TRIP11: variants seen among roughly 807,000 people sequenced by gnomAD.
The protein encoded by TRIP11 is thyroid receptor-interacting protein 11.
A neutral mutation model predicts 223.1 loss-of-function variants in TRIP11; 148 were observed. The observed-to-expected ratio is 0.66, with a 90% CI of 0.58 to 0.76. The LOEUF is 0.76. Among genes scored for constraint, TRIP11 ranks in the 30% least tolerant of loss-of-function variants. The pLI, the probability that TRIP11 is intolerant of heterozygous loss-of-function variation, is 0.00. For synonymous variants in TRIP11, 762 were observed against 772.6 expected, an observed-to-expected ratio of 0.99 and a Z score of 0.23; for missense variants, 2,043 against 2,222.0, an observed-to-expected ratio of 0.92 and a Z score of 1.62.
chr14:91,966,716 G>A lies in TRIP11; in HGVS notation c.*2957C>T, dbSNP rs2056345033. The stretch of plus-strand genomic sequence containing the variant: ...CATTTTTTAAAAATCAAAAATGACA[G>A]GAATGAAAATTCAAACAATTTGATC... On this transcript the variant is annotated 3_prime_UTR_variant, in exon 21 of 21. Coordinates refer to ENST00000267622, the MANE Select transcript of TRIP11 (RefSeq NM_004239.4). 1 of 211,178 alleles carries A rather than the reference G, an allele frequency of 4.7e-6. No individual in the cohort carries two copies. The highest frequency in any genetic ancestry group is 5.9e-5 in the Admixed American group (1 of 17,024). 13.1% of individuals were successfully genotyped at this position (211,178 alleles called of 1,614,324 possible).
rs756795848 is a variant in TRIP11, at chr14:91,992,024, T to C, written c.5160+1785A>G. Among the ~76,000 whole-genome samples, 41 of 129,026 alleles carry C rather than the reference T, an allele frequency of 3.2e-4. No homozygotes were observed. The Middle Eastern group carries it at 0.025, about 80-fold the overall frequency. The allele number at this position is 129,026 out of a possible 152,430, so 84.6% of individuals were successfully genotyped here. On this transcript the variant is annotated intron_variant, in intron 15 of 20. Coordinates refer to ENST00000267622, the MANE Select transcript of TRIP11 (RefSeq NM_004239.4). Reference sequence around the variant, plus strand: ...CTTGAACCCAGGGCAAAGGTTGTAGTGAGCTGAGATCACGCCCTTGCACTC... The same window carrying C: ...CTTGAACCCAGGGCAAAGGTTGTAGCGAGCTGAGATCACGCCCTTGCACTC...
chr14:91,997,571 G>A (rs1002261562), intron 13 of TRIP11, among the ~76,000 whole-genome samples: 1 of 152,042 alleles, frequency 6.6e-6, no homozygotes, highest in Non-Finnish European at 1.5e-5. Context: ...GAAGAAAATG[G>A]AATTGAAGAA....
intron 1 of TRIP11, among the ~76,000 whole-genome samples, chr14:92,036,848 T>C (rs1033518240): frequency 2.0e-5 from 3 of 152,150 alleles, no homozygotes; most frequent in Middle Eastern, 6.8e-3. Flanking sequence ...AAACCTCCCA[T>C]TTCAGCCTCC....
rs1219586678 is a variant in TRIP11 at position 92,004,327 on chromosome 14, G to A, written c.3649C>T (p.Gln1217Ter). The change falls in exon 11 of 21, where the codon CAA becomes TAA. Residue 1217 changes from glutamine (Q) to a stop codon, truncating the protein, a stop_gained. Coordinates refer to ENST00000267622, the MANE Select transcript of TRIP11 (RefSeq NM_004239.4). LOFTEE classifies it high-confidence loss of function. ...LLQERDKLKQQVKKMEEWKQQ... is the reference protein window; with the variant it reads ...LLQERDKLKQ The stretch of plus-strand genomic sequence containing the variant: ...TTCCACTCTTCCATTTTCTTTACTT[G>A]CTGTTTTAACTTGTCACGTTCCTGT... The A allele has an allele frequency of 6.2e-7, 1 of 1,613,982 alleles. No homozygotes were observed. Among genetic ancestry groups the A allele is most frequent in the Non-Finnish European group, 8.5e-7 (1 of 1,179,996 alleles).
At position 92,004,235 on chromosome 14, in the gene TRIP11, G is replaced by T. The variant is rs1238100839; in HGVS notation, c.3741C>A (p.His1247Gln). 1 of 1,614,100 alleles carries T rather than the reference G, an allele frequency of 6.2e-7. No individual in the cohort carries two copies. Among genetic ancestry groups the T allele is most frequent in the Non-Finnish European group, 8.5e-7 (1 of 1,180,034 alleles). ...CAACCAAAACCTGTGCTTGAAGTTG[G>T]TGAAGCTCTTCCTGAAGCTGGGCTG... ...HESAQLQEEL[H>Q]QLQAQVLVDS... Residue 1247 changes from histidine to glutamine, a missense_variant, in exon 11 of 21, where the codon CAC becomes CAA. His to Gln is a conservative substitution (Grantham distance 24, BLOSUM62 0). Coordinates refer to ENST00000267622, the MANE Select transcript of TRIP11 (RefSeq NM_004239.4).
rs2056877431 is a variant in TRIP11, at chr14:92,004,848, G to A, written c.3128C>T (p.Thr1043Ile). The A allele has an allele frequency of 1.6e-5, 26 of 1,613,876 alleles. No homozygotes were observed. The highest frequency in any genetic ancestry group is 2.0e-5 in the Non-Finnish European group (24 of 1,179,972). ...TTTGGACAACTGATCAATCTGTTTAGTTAAAGATATATTCTTTTCATTTAG... is the reference window on the plus strand; with the variant it reads ...TTTGGACAACTGATCAATCTGTTTAATTAAAGATATATTCTTTTCATTTAG... ...KLLNEKNISL[T>I]KQIDQLSKDE... Residue 1043 changes from threonine (T) to isoleucine (I), a missense_variant, in exon 11 of 21, where the codon ACT (threonine) becomes ATT (isoleucine). Thr to Ile is a moderately conservative substitution (Grantham distance 89, BLOSUM62 -1). Transcript: ENST00000267622.
chr14:92,023,102 G>A (rs1018383017), intron 3 of TRIP11, among the ~76,000 whole-genome samples: 3 of 152,202 alleles, frequency 2.0e-5, no homozygotes, highest in African/African-American at 7.2e-5. Context: ...AGTGCAAGCT[G>A]TAATAACAGA....
chr14:92,033,356 T>G (rs1369344898), intron 1 of TRIP11, 103 bp from the exon 2 acceptor site: 1 of 888,460 alleles, frequency 1.1e-6, no homozygotes, highest in African/African-American at 1.7e-5. Context: ...CACAGAATAG[T>G]AGGCTGATAT....
chr14:92,034,718 T>C (rs1391810908), intron 1 of TRIP11, among the ~76,000 whole-genome samples: 1 of 152,234 alleles, frequency 6.6e-6, no homozygotes, highest in Admixed American at 6.5e-5. Context: ...GGTGTGATCA[T>C]GGCTCACTGT....
Position 92,007,623 on chromosome 14 carries a change from A to G in TRIP11, c.1527+17T>C. ...TTAGTAGAATGTGCTGCCTTACTGTATTTAATACAGTGTTACCTTTGTAGC... is the reference window on the plus strand; with the variant it reads ...TTAGTAGAATGTGCTGCCTTACTGTGTTTAATACAGTGTTACCTTTGTAGC... On this transcript the variant is annotated intron_variant, in intron 10 of 20. Coordinates refer to ENST00000267622, the MANE Select transcript of TRIP11 (RefSeq NM_004239.4). 1 of 1,611,868 alleles carries G rather than the reference A, an allele frequency of 6.2e-7. No homozygotes were observed. Among genetic ancestry groups the G allele is most frequent in the Non-Finnish European group, 8.5e-7 (1 of 1,178,832 alleles).
chr14:91,977,261 A>G, intron 16 of TRIP11: 1 of 452,440 alleles, frequency 2.2e-6, no homozygotes, highest in South Asian at 1.6e-5. Flanking sequence ...TTTGAAACAC[A>G]AAAGTTTTCA....
At chr14:92,008,091 G>GT (rs1443786673) in intron 9 of TRIP11, among the ~76,000 whole-genome samples, 1 of 152,184 alleles carries the variant, frequency 6.6e-6, no homozygotes, top group Admixed American at 6.5e-5. Context: ...TGCAGCGACT[G>GT]TAAGTTTGTC....
chr14:92,002,209 T>C (rs936862952), intron 11 of TRIP11, among the ~76,000 whole-genome samples: 3 of 152,180 alleles, frequency 2.0e-5, no homozygotes, highest in African/African-American at 4.8e-5. Context: ...TAGTACAGTA[T>C]AGTATACAGT....
At position 91,971,451 on chromosome 14, in the gene TRIP11, T is replaced by C. The variant is rs553147713; in HGVS notation, c.5719+1266A>G. Among the ~76,000 whole-genome samples, 29 of 152,262 alleles carry C rather than the reference T, an allele frequency of 1.9e-4. No homozygotes were observed. The East Asian group carries it at 5.4e-3, about 28-fold the overall frequency. On this transcript the variant is annotated intron_variant, in intron 20 of 20. Transcript: ENST00000267622. ...TATATCAACCCAAGCCATCACCAGC[T>C]TTTGTATCCTATCAATACAAATCAG...
rs143073944 is a variant in TRIP11 at position 92,003,717 on chromosome 14, C to T, written c.4259G>A (p.Ser1420Asn). ...KEKDLLIKAK[S>N]DQLLSSNENF... Reference sequence around the variant, plus strand: ...TTCATTGGAAGAAAGTAGTTGATCACTTTTGGCTTTGATTAAGAGGTCTTT... The same window carrying T: ...TTCATTGGAAGAAAGTAGTTGATCATTTTTGGCTTTGATTAAGAGGTCTTT... Residue 1420 changes from serine (S) to asparagine (N), a missense_variant, in exon 11 of 21, where the codon AGT (serine) becomes AAT (asparagine). Coordinates refer to ENST00000267622, the MANE Select transcript of TRIP11 (RefSeq NM_004239.4). The T allele has an allele frequency of 3.7e-6, 6 of 1,614,186 alleles. No homozygotes were observed. The African/African-American group carries it at 6.7e-5, about 18-fold the overall frequency.
chr14:92,029,049 T>C (rs748091093), intron 2 of TRIP11, among the ~76,000 whole-genome samples: 15 of 152,284 alleles, frequency 9.9e-5, no homozygotes, highest in South Asian at 6.2e-4. Flanking sequence ...GTACCGTGGA[T>C]CTTTTTATAA....
chr14:92,023,372 T>C (rs976793957), intron 3 of TRIP11, among the ~76,000 whole-genome samples: 2 of 152,242 alleles, frequency 1.3e-5, no homozygotes, highest in Non-Finnish European at 2.9e-5. Flanking sequence ...GGGACCCATG[T>C]CTAAACACAA....
chr14:91,999,594 C>T (rs2056795736), intron 12 of TRIP11, among the ~76,000 whole-genome samples, 161 bp from the exon 13 acceptor site: 1 of 152,108 alleles, frequency 6.6e-6, no homozygotes, highest in South Asian at 2.1e-4. Context: ...ATCTTGAAAT[C>T]ATCTTGAATA....
intron 12 of TRIP11, 129 bp from the exon 13 acceptor site, chr14:91,999,562 G>C: frequency 5.0e-6 from 5 of 1,005,688 alleles, no homozygotes; most frequent in Non-Finnish European, 7.4e-6. Context: ...ACTGCAAAAT[G>C]TATTTATGCT....
Sources: allele counts gnomAD v4.1 joint callset (sites outside exome capture counted in the v4.1 genomes callset), GRCh38; gene constraint gnomAD v4.1.1; transcripts MANE v1.5; gene names NCBI Gene and HGNC (gene_info 2026-07-23, HGNC 2026-07-21).